Variants in SOX5 observed in about 807,000 individuals in gnomAD.
SOX5 encodes the protein transcription factor SOX-5.
Under a neutral mutation model 92.0 loss-of-function variants are expected in SOX5, and 9 were observed. The observed-to-expected ratio is 0.10, with a 90% CI of 0.06 to 0.17. The LOEUF is 0.17. SOX5 is among the 10% of genes least tolerant of loss of function. The probability of loss-of-function intolerance (pLI) is 1.00; values close to 1 mark genes in which losing one functional copy is unlikely to be tolerated. For missense variants in SOX5, 642 were observed against 944.5 expected, an observed-to-expected ratio of 0.68 and a Z score of 4.20; for synonymous variants, 344 against 336.3, an observed-to-expected ratio of 1.02 and a Z score of -0.25.
intron 2 of SOX5, among the ~76,000 whole-genome samples, chr12:24,329,006 G>T (rs905980352): frequency 1.3e-5 from 2 of 152,064 alleles, no homozygotes; most frequent in Non-Finnish European, 2.9e-5. Context: ...TAAGAACTAA[G>T]GTATGTATTA....
intron 2 of SOX5, among the ~76,000 whole-genome samples, chr12:24,336,078 T>G (rs1431579836): frequency 6.8e-6 from 1 of 146,536 alleles, no homozygotes; most frequent in Non-Finnish European, 1.5e-5. Context: ...GATACGTTTT[T>G]TTTGTGTGTT....
At chr12:24,141,785 GGTTAA>G (rs1950609154) in intron 4 of SOX5, among the ~76,000 whole-genome samples, 1 of 152,198 alleles carries the variant, frequency 6.6e-6, no homozygotes, top group Non-Finnish European at 1.5e-5. Flanking sequence ...TGGCAATTTA[GGTTAA>G]GTTAATAGGG....
At chr12:23,745,392 A>C (rs1440394076) in intron 4 of SOX5, among the ~76,000 whole-genome samples, 1 of 152,154 alleles carries the variant, frequency 6.6e-6, no homozygotes, top group Admixed American at 6.6e-5. Flanking sequence ...ACTTTCCTAG[A>C]TAACAAAGTC....
At chr12:24,239,823 T>C (rs1594695620) in intron 3 of SOX5, among the ~76,000 whole-genome samples, 1 of 152,206 alleles carries the variant, frequency 6.6e-6, no homozygotes, top group Non-Finnish European at 1.5e-5. Flanking sequence ...TTTATGTTTA[T>C]GCCATTCTTT....
At chr12:24,215,460 G>C (rs1959095826) in intron 3 of SOX5, among the ~76,000 whole-genome samples, 1 of 152,038 alleles carries the variant, frequency 6.6e-6, no homozygotes, top group African/African-American at 2.4e-5. Context: ...AACTAGTAAT[G>C]AACATTCTGA....
At chr12:24,512,084 C>T (rs78436213) in intron 1 of SOX5, among the ~76,000 whole-genome samples, 17 of 152,198 alleles carry the variant, frequency 1.1e-4, no homozygotes, top group East Asian at 1.9e-4. Flanking sequence ...ATTCCAATCA[C>T]GGGGAATATA....
chr12:24,318,509 CT>C (rs1949917503), intron 2 of SOX5, among the ~76,000 whole-genome samples: 1 of 152,152 alleles, frequency 6.6e-6, no homozygotes, highest in Non-Finnish European at 1.5e-5. Flanking sequence ...GTCTCAGGAT[CT>C]TTTGAACAGA....
chr12:24,006,444 A>T (rs1952174040), intron 4 of SOX5, among the ~76,000 whole-genome samples: 1 of 152,078 alleles, frequency 6.6e-6, no homozygotes, highest in African/African-American at 2.4e-5. Flanking sequence ...GGAGGTACAG[A>T]ACTTTTTTCT....
intron 1 of SOX5, among the ~76,000 whole-genome samples, chr12:24,388,260 C>T (rs1958625634): frequency 6.6e-6 from 1 of 152,168 alleles, no homozygotes; most frequent in African/African-American, 2.4e-5. Context: ...TCTTCACATC[C>T]AGATGCAAGC....
intron 2 of SOX5, among the ~76,000 whole-genome samples, chr12:24,291,404 G>T (rs560202690): frequency 6.6e-6 from 1 of 152,196 alleles, no homozygotes; most frequent in African/African-American, 2.4e-5. Context: ...TAGTTCTCAC[G>T]AATGTCTCTG....
chr12:24,281,328 C>T (rs139303265), intron 2 of SOX5, among the ~76,000 whole-genome samples: 5 of 151,652 alleles, frequency 3.3e-5, no homozygotes, highest in African/African-American at 4.8e-5. Flanking sequence ...ATAGACTCTA[C>T]GGAAAGGGTC....
chr12:24,129,074 A>G (rs1480753814), intron 4 of SOX5, among the ~76,000 whole-genome samples: 1 of 152,222 alleles, frequency 6.6e-6, no homozygotes, highest in Non-Finnish European at 1.5e-5. Context: ...ACATTCAGTC[A>G]TGACTTAACT....
chr12:23,554,559 T>C, intron 11 of SOX5, among the ~76,000 whole-genome samples: 1 of 152,242 alleles, frequency 6.6e-6, no homozygotes, highest in Non-Finnish European at 1.5e-5. Flanking sequence ...AGTTAAAAAA[T>C]TGTTTTAAAC....
At chr12:23,690,943 T>A (rs1308488457) in intron 6 of SOX5, among the ~76,000 whole-genome samples, 1 of 152,168 alleles carries the variant, frequency 6.6e-6, no homozygotes, top group Non-Finnish European at 1.5e-5. Flanking sequence ...ATTCTTGTCT[T>A]CCTCCCTGAC....
intron 4 of SOX5, among the ~76,000 whole-genome samples, chr12:24,204,101 C>T (rs1003506773): frequency 6.6e-6 from 1 of 152,060 alleles, no homozygotes; most frequent in Non-Finnish European, 1.5e-5. Flanking sequence ...TAATCAGTTT[C>T]ATTAATTTCT....
intron 3 of SOX5, among the ~76,000 whole-genome samples, chr12:23,777,214 G>A (rs1287038970): frequency 6.6e-6 from 1 of 152,132 alleles, no homozygotes; most frequent in Non-Finnish European, 1.5e-5. Flanking sequence ...TTCTTGATGT[G>A]AGCAAAGACC....
chr12:24,373,643 T>A (rs2136285630), intron 1 of SOX5, among the ~76,000 whole-genome samples: 1 of 152,348 alleles, frequency 6.6e-6, no homozygotes, highest in African/African-American at 2.4e-5. Context: ...CATATGGGTG[T>A]ATAGCTATGC....
intron 1 of SOX5, among the ~76,000 whole-genome samples, chr12:24,426,241 T>TCTCA: frequency 6.8e-6 from 1 of 148,068 alleles, no homozygotes; most frequent in Admixed American, 6.8e-5. Context: ...CACTGCATAT[T>TCTCA]CTCACTCATA....
At chr12:23,798,381 G>T (rs2095602429) in intron 3 of SOX5, among the ~76,000 whole-genome samples, 1 of 151,702 alleles carries the variant, frequency 6.6e-6, no homozygotes. Context: ...GCAAATTAAG[G>T]GCACATACTC....
Sources: allele counts gnomAD v4.1 joint callset (sites outside exome capture counted in the v4.1 genomes callset), GRCh38; gene constraint gnomAD v4.1.1; transcripts MANE v1.5; gene names NCBI Gene and HGNC (gene_info 2026-07-23, HGNC 2026-07-21).